The following RNF150 variants were observed in gnomAD, a reference collection of about 807,000 sequenced individuals.
The protein encoded by RNF150 is ring finger protein 150.
RNF150 carries 24 observed loss-of-function variants against 39.3 expected under a neutral mutation model. That is an observed-to-expected ratio of 0.61 (90% CI 0.44 to 0.86). RNF150 has a LOEUF of 0.86. Ranked by LOEUF, RNF150 falls within the 40% of genes least tolerant of loss-of-function variation. The pLI is 0.00. For missense variants in RNF150, 502 were observed against 587.8 expected, an observed-to-expected ratio of 0.85 and a Z score of 1.51; for synonymous variants, 255 against 227.3, an observed-to-expected ratio of 1.12 and a Z score of -1.10.
intron 5 of RNF150, among the ~76,000 whole-genome samples, chr4:140,916,545 A>C (rs958069420): frequency 3.3e-5 from 5 of 152,264 alleles, no homozygotes; most frequent in Admixed American, 2.0e-4. Flanking sequence ...GACTATGTGA[A>C]AAGACCAAAT....
At chr4:140,917,741 T>C (rs540701524) in intron 5 of RNF150, among the ~76,000 whole-genome samples, 88 of 151,810 alleles carry the variant, frequency 5.8e-4, no homozygotes, top group African/African-American at 2.1e-3. Context: ...ATATACATTT[T>C]TTTTCAGCAC....
intron 1 of RNF150, among the ~76,000 whole-genome samples, chr4:141,048,948 G>T (rs1736681513): frequency 1.3e-5 from 2 of 152,182 alleles, no homozygotes; most frequent in South Asian, 4.2e-4. Context: ...TGACACCAAG[G>T]TTGGCAGTGA....
intron 5 of RNF150, among the ~76,000 whole-genome samples, chr4:140,918,855 T>C (rs564927759): frequency 3.9e-5 from 6 of 152,298 alleles, no homozygotes; most frequent in Admixed American, 3.9e-4. Flanking sequence ...GTGGGCTTCA[T>C]CCCTGGGATG....
chr4:141,113,565 T>C (rs1323146278), intron 1 of RNF150, among the ~76,000 whole-genome samples: 1 of 152,056 alleles, frequency 6.6e-6, no homozygotes, highest in Non-Finnish European at 1.5e-5. Context: ...CACACAATAA[T>C]AGTGGGAGAC....
chr4:141,054,046 C>A (rs1319763177), intron 1 of RNF150, among the ~76,000 whole-genome samples: 2 of 152,056 alleles, frequency 1.3e-5, no homozygotes, highest in Admixed American at 6.6e-5. Context: ...ATAAAATTAC[C>A]TTTAATTCCC....
chr4:140,898,437 G>A (rs1407845691), intron 6 of RNF150, among the ~76,000 whole-genome samples: 1 of 152,172 alleles, frequency 6.6e-6, no homozygotes. Flanking sequence ...TGAGTAACAT[G>A]TATGTATGCG....
chr4:140,979,818 C>T (rs1231894054), intron 1 of RNF150, among the ~76,000 whole-genome samples: 3 of 152,016 alleles, frequency 2.0e-5, no homozygotes, highest in Non-Finnish European at 4.4e-5. Context: ...GGTCAATGAA[C>T]GGAAACTCGA....
upstream of RNF150, among the ~76,000 whole-genome samples, chr4:141,134,688 G>A (rs1244937450): frequency 6.6e-6 from 1 of 152,210 alleles, no homozygotes; most frequent in Non-Finnish European, 1.5e-5. Context: ...TGCTGAATTT[G>A]TATGTGTTCC....
At chr4:141,027,375 G>T (rs950338971) in intron 1 of RNF150, among the ~76,000 whole-genome samples, 3 of 151,968 alleles carry the variant, frequency 2.0e-5, no homozygotes, top group African/African-American at 4.8e-5. Context: ...TTTGTTTTTT[G>T]AATAGGTTAT....
intron 1 of RNF150, among the ~76,000 whole-genome samples, chr4:140,975,773 CAAG>C (rs746170589): frequency 6.6e-6 from 1 of 152,112 alleles, no homozygotes; most frequent in Non-Finnish European, 1.5e-5. Flanking sequence ...CCCCAAGCAC[CAAG>C]AAACAACCAA....
chr4:141,067,951 C>CTT (rs59761096), intron 1 of RNF150, among the ~76,000 whole-genome samples: 4 of 145,740 alleles, frequency 2.7e-5, no homozygotes, highest in Non-Finnish European at 4.5e-5. Flanking sequence ...AGTCAAGATA[C>CTT]TTTTTTTTTT....
intron 1 of RNF150, among the ~76,000 whole-genome samples, chr4:141,111,905 TG>T (rs368169463): frequency 1.3e-5 from 2 of 152,056 alleles, no homozygotes; most frequent in African/African-American, 4.8e-5. Context: ...AATTTGGTAT[TG>T]GTTTGCAAAT....
intron 1 of RNF150, among the ~76,000 whole-genome samples, chr4:141,061,070 T>C (rs552949128): frequency 2.2e-4 from 33 of 151,856 alleles, no homozygotes; most frequent in Admixed American, 2.1e-3. Context: ...CAAACCACCA[T>C]GGCACGTGTA....
At chr4:140,995,462 G>A (rs1734331735) in intron 1 of RNF150, among the ~76,000 whole-genome samples, 1 of 152,104 alleles carries the variant, frequency 6.6e-6, no homozygotes, top group Non-Finnish European at 1.5e-5. Context: ...GAAATGGGTG[G>A]TAACTTCTGG....
chr4:140,986,479 G>A (rs982319438), intron 1 of RNF150, among the ~76,000 whole-genome samples: 2 of 150,636 alleles, frequency 1.3e-5, no homozygotes, highest in South Asian at 2.1e-4. Flanking sequence ...CAAAGCTCAC[G>A]TTTGAACCAG....
chr4:141,176,540 A>G (rs1727817819), intron 1 of RNF150, among the ~76,000 whole-genome samples: 1 of 152,232 alleles, frequency 6.6e-6, no homozygotes, highest in African/African-American at 2.4e-5. Context: ...AGCACAAAGC[A>G]GGTAAAAATC....
intron 1 of RNF150, among the ~76,000 whole-genome samples, chr4:141,193,053 C>G (rs1478402183): frequency 6.6e-6 from 1 of 152,192 alleles, no homozygotes; most frequent in Non-Finnish European, 1.5e-5. Context: ...TTTTATGTCA[C>G]TCTTCCCTGC....
intron 1 of RNF150, among the ~76,000 whole-genome samples, chr4:141,063,206 G>T (rs1032943734): frequency 2.0e-5 from 3 of 152,148 alleles, no homozygotes; most frequent in African/African-American, 4.8e-5. Flanking sequence ...AATATGAAAT[G>T]CGTTTAGCAA....
intron 2 of RNF150, among the ~76,000 whole-genome samples, chr4:140,956,666 T>C (rs903881465): frequency 1.3e-5 from 2 of 152,120 alleles, no homozygotes; most frequent in African/African-American, 4.8e-5. Context: ...ACTACAAGGC[T>C]ACAGTAACCA....
Sources: allele counts gnomAD v4.1 joint callset (sites outside exome capture counted in the v4.1 genomes callset), GRCh38; gene constraint gnomAD v4.1.1; transcripts MANE v1.5; gene names NCBI Gene and HGNC (gene_info 2026-07-23, HGNC 2026-07-21).